Variants in TENM3 observed in about 807,000 individuals in gnomAD.
The protein encoded by TENM3 is teneurin transmembrane protein 3.
A neutral mutation model predicts 255.1 loss-of-function variants in TENM3; 63 were observed. The ratio of observed to expected loss-of-function variants is 0.25; its 90% CI spans 0.20 to 0.30. The LOEUF (loss-of-function observed/expected upper bound fraction) is 0.30. TENM3 is among the 10% of genes least tolerant of loss of function. The probability of loss-of-function intolerance (pLI) is 1.00; values close to 1 mark genes in which losing one functional copy is unlikely to be tolerated. For synonymous variants in TENM3, 1,306 were observed against 1,322.3 expected (o/e 0.99, Z 0.27); for missense variants, 2,929 against 3,461.1 (o/e 0.85, Z 3.86).
chr4:182,142,034 T>C (rs958559917), upstream of TENM3: 2 of 152,240 alleles, frequency 1.3e-5, no homozygotes, highest in Non-Finnish European at 2.9e-5. Flanking sequence ...ATGAAAGAGT[T>C]TCCTTACGAT....
Position 182,587,877 on chromosome 4 carries a change from A to G in TENM3, c.512-13047A>G, listed in dbSNP as rs548329300. Reference sequence around the variant, plus strand: ...GTTAATAGTTATAATACAAGATAATATGGATGAGTTTATTTTTAAAATAAA... The same window carrying G: ...GTTAATAGTTATAATACAAGATAATGTGGATGAGTTTATTTTTAAAATAAA... On this transcript the variant is annotated intron_variant, in intron 3 of 27. Transcript: ENST00000511685. Among the ~76,000 whole-genome samples the G allele has an allele frequency of 3.3e-5, 5 of 152,296 alleles. No homozygotes were observed. The East Asian group carries it at 7.7e-4, about 23-fold the overall frequency.
At chr4:181,847,153 A>G in the TENM3 span, among the ~76,000 whole-genome samples, 1 of 152,182 alleles carries the variant, frequency 6.6e-6, no homozygotes, top group Admixed American at 6.5e-5. Context: ...TTCCATATGG[A>G]TCTATTTTAG....
chr4:182,616,522 TA>T (rs542212636), intron 4 of TENM3, among the ~76,000 whole-genome samples: 190 of 94,280 alleles, frequency 2.0e-3, no homozygotes, highest in African/African-American at 7.0e-3. Context: ...TAAAGTATAA[TA>T]AAAAAAAAAA....
Position 182,680,379 on chromosome 4 carries a change from G to A in TENM3, c.1639+30G>A, listed in dbSNP as rs574646161. ...GCAAGTTAGATTCTTCTCTTAAGCCGATATAAATAAGCTGTAGAAACACAA... is the reference window on the plus strand; with the variant it reads ...GCAAGTTAGATTCTTCTCTTAAGCCAATATAAATAAGCTGTAGAAACACAA... On this transcript the variant is annotated intron_variant, in intron 9 of 27. Transcript: ENST00000511685. 4.2e-5 allele frequency: 62 copies of A among 1,469,732 alleles called. 1 individual carries two copies. The highest frequency in any genetic ancestry group is 4.2e-4 in the South Asian group (37 of 88,292). 91.0% of individuals were successfully genotyped at this position (1,469,732 alleles called of 1,614,324 possible).
chr4:182,763,051 C>T (rs4862091), intron 22 of TENM3, among the ~76,000 whole-genome samples: 79,094 of 152,010 alleles, frequency 0.52, 21,215 homozygotes, highest in East Asian at 0.84. Flanking sequence ...TTGTAGCGCT[C>T]TCTAAAAACT....
intron 24 of TENM3, among the ~76,000 whole-genome samples, chr4:182,778,421 G>C (rs1764872579): frequency 6.6e-6 from 1 of 152,166 alleles, no homozygotes; most frequent in Non-Finnish European, 1.5e-5. Context: ...GCACGGCCTA[G>C]CGTGGGACGG....
intron 3 of TENM3, among the ~76,000 whole-genome samples, chr4:182,483,653 C>G (rs1734415683): frequency 6.6e-6 from 1 of 152,090 alleles, no homozygotes; most frequent in South Asian, 2.1e-4. Context: ...GTGTATTAGT[C>G]TGTTCTCACA....
the TENM3 span, among the ~76,000 whole-genome samples, chr4:181,619,588 A>T: frequency 1.3e-5 from 2 of 150,660 alleles, no homozygotes; most frequent in African/African-American, 2.4e-5. Flanking sequence ...TATTTGGCCA[A>T]TTTTTTTTTA....
At chr4:182,209,977 C>T (rs1193000229) in intron 1 of TENM3, among the ~76,000 whole-genome samples, 5 of 152,062 alleles carry the variant, frequency 3.3e-5, no homozygotes, top group Admixed American at 2.6e-4. Flanking sequence ...GAGGTGTCTC[C>T]GCAGCTGTGG....
chr4:181,806,950 C>G, the TENM3 span, among the ~76,000 whole-genome samples: 1 of 152,112 alleles, frequency 6.6e-6, no homozygotes, highest in Non-Finnish European at 1.5e-5. Flanking sequence ...TCTGTCTCGC[C>G]CATCACTGTC....
the TENM3 span, among the ~76,000 whole-genome samples, chr4:182,020,605 C>A: frequency 1.3e-5 from 2 of 152,106 alleles, no homozygotes; most frequent in Non-Finnish European, 2.9e-5. Flanking sequence ...ATGCTAATTA[C>A]CCTGATTTGA....
rs575384763 is a variant in TENM3 at position 182,552,288 on chromosome 4, G to A, written c.512-48636G>A. Among the ~76,000 whole-genome samples, 5 of 152,026 alleles carry A rather than the reference G, an allele frequency of 3.3e-5. No homozygotes were observed. The East Asian group carries it at 9.7e-4, about 29-fold the overall frequency. ...CCTCCCCGCCACCATCTCTACAAAAGAAAAAAAGTTAACTCTTGATTTGCT... is the reference window on the plus strand; with the variant it reads ...CCTCCCCGCCACCATCTCTACAAAAAAAAAAAAGTTAACTCTTGATTTGCT... On this transcript the variant is annotated intron_variant, in intron 3 of 27. Coordinates refer to ENST00000511685, the MANE Select transcript of TENM3 (RefSeq NM_001080477.4).
intron 1 of TENM3, among the ~76,000 whole-genome samples, chr4:182,274,440 G>A (rs964551596): frequency 1.3e-5 from 2 of 152,168 alleles, no homozygotes; most frequent in African/African-American, 2.4e-5. Flanking sequence ...ACAAAAAGAT[G>A]TCCTTGGCAG....
chr4:181,606,717 G>A, the TENM3 span, among the ~76,000 whole-genome samples: 4 of 151,896 alleles, frequency 2.6e-5, no homozygotes, highest in Admixed American at 6.6e-5. Context: ...AGTCTTATGT[G>A]GTCTCCTCTT....
At chr4:181,776,272 G>C in the TENM3 span, among the ~76,000 whole-genome samples, 1 of 152,004 alleles carries the variant, frequency 6.6e-6, no homozygotes, top group Non-Finnish European at 1.5e-5. Context: ...TTTTATGGCT[G>C]AATAGTATTT....
chr4:182,445,650 G>A (rs1242484872), intron 3 of TENM3, among the ~76,000 whole-genome samples: 1 of 151,702 alleles, frequency 6.6e-6, no homozygotes, highest in Non-Finnish European at 1.5e-5. Context: ...ATTTGGTTTG[G>A]TTCATGCATT....
intron 4 of TENM3, among the ~76,000 whole-genome samples, chr4:182,622,279 G>A (rs571544670): frequency 5.6e-4 from 85 of 151,120 alleles, no homozygotes; most frequent in African/African-American, 1.7e-3. Context: ...CCCAGGAGGC[G>A]GAGGTTGCAG....
At chr4:181,801,018 C>G in the TENM3 span, among the ~76,000 whole-genome samples, 3 of 152,036 alleles carry the variant, frequency 2.0e-5, no homozygotes, top group Admixed American at 1.3e-4. Flanking sequence ...TGTGTTATGG[C>G]GAGTTGGGAA....
chr4:181,451,157 A>C, the TENM3 span, among the ~76,000 whole-genome samples: 1 of 152,214 alleles, frequency 6.6e-6, no homozygotes, highest in South Asian at 2.1e-4. Context: ...ATATTGGAGC[A>C]GACTTAAAGC....
Sources: gnomAD v4.1 joint callset for allele counts (sites outside exome capture counted in the v4.1 genomes callset) on GRCh38, gnomAD v4.1.1 for gene constraint, MANE v1.5 for transcripts, NCBI Gene and HGNC (gene_info 2026-07-23, HGNC 2026-07-21) for gene names.